AP3M1: variants seen among roughly 807,000 people sequenced by gnomAD.
The protein encoded by AP3M1 is adaptor related protein complex 3 subunit mu 1, also known as AP-3 complex subunit mu-1.
A neutral mutation model predicts 42.6 loss-of-function variants in AP3M1; 29 were observed. The observed-to-expected ratio is 0.68, with a 90% CI of 0.51 to 0.93. The LOEUF is 0.93. Ranked by LOEUF, AP3M1 falls within the 40% of genes least tolerant of loss-of-function variation. AP3M1 has a pLI of 0.00. For missense variants in AP3M1, 416 were observed against 510.2 expected, an observed-to-expected ratio of 0.82 and a Z score of 1.78; for synonymous variants, 178 against 175.3, an observed-to-expected ratio of 1.02 and a Z score of -0.12.
chr10:74,133,268 C>G (rs1172810585), intron 4 of AP3M1, among the ~76,000 whole-genome samples: 1 of 152,086 alleles, frequency 6.6e-6, no homozygotes, highest in East Asian at 1.9e-4. Context: ...CTGGTGCATG[C>G]CTGTAATCCC....
At chr10:74,133,360 C>G (rs1052214501) in intron 4 of AP3M1, among the ~76,000 whole-genome samples, 3 of 150,714 alleles carry the variant, frequency 2.0e-5, no homozygotes, top group Admixed American at 6.6e-5. Context: ...CACCATTGCA[C>G]TCCACCCTGG....
At chr10:74,141,286 C>G (rs189367589) in intron 1 of AP3M1, among the ~76,000 whole-genome samples, 16 of 152,100 alleles carry the variant, frequency 1.1e-4, no homozygotes, top group Admixed American at 6.5e-4. Context: ...ACTAGCCAGG[C>G]ATAGTGGCTC....
At chr10:74,124,591 T>G in intron 7 of AP3M1, 67 bp from the exon 8 acceptor site, 1 of 1,359,146 alleles carries the variant, frequency 7.4e-7, no homozygotes, top group African/African-American at 1.5e-5. Flanking sequence ...AAAAACAAAG[T>G]TCAAAGATAT....
chr10:74,131,699 C>T (rs1840784819), intron 4 of AP3M1, among the ~76,000 whole-genome samples: 1 of 152,010 alleles, frequency 6.6e-6, no homozygotes, highest in Non-Finnish European at 1.5e-5. Flanking sequence ...GGAAGCCATG[C>T]CTAGCTAATC....
At chr10:74,126,939 C>T (rs188495338) in intron 6 of AP3M1, among the ~76,000 whole-genome samples, 159 of 132,298 alleles carry the variant, frequency 1.2e-3, no homozygotes, top group Non-Finnish European at 2.1e-3. Flanking sequence ...CCACTGCACT[C>T]CAGCCTGGGC....
rs926787684 is a variant in AP3M1 at position 74,120,690 on chromosome 10, G to A, written c.*3120C>T. On this transcript the variant is annotated 3_prime_UTR_variant, in exon 9 of 9. Coordinates refer to ENST00000355264, the MANE Select transcript of AP3M1 (RefSeq NM_012095.6). ...GCGCCACCATGCCTGGCTAATTTTT[G>A]TATTTTTAGTAGAGATGGAGTTTCA... 2.1e-4 allele frequency: 32 copies of A among 152,188 alleles called. No individual in the cohort carries two copies. The highest frequency in any genetic ancestry group is 7.7e-4 in the African/African-American group (32 of 41,406). 9.4% of individuals were successfully genotyped at this position (152,188 alleles called of 1,614,324 possible). A position where few individuals can be genotyped will look rare whatever the true frequency, so the allele number is the denominator to read the frequency against.
At chr10:74,139,378 C>G (rs1358966019) in intron 1 of AP3M1, among the ~76,000 whole-genome samples, 1 of 151,678 alleles carries the variant, frequency 6.6e-6, no homozygotes, top group Non-Finnish European at 1.5e-5. Context: ...CTGTGGGAGG[C>G]TGAGGAAGGA....
intron 4 of AP3M1, among the ~76,000 whole-genome samples, chr10:74,131,171 A>AT (rs921626903): frequency 1.8e-4 from 27 of 150,174 alleles, no homozygotes; most frequent in South Asian, 6.3e-4. Context: ...TTTTTTTTTA[A>AT]TTTTTTTTTT....
intron 2 of AP3M1, 109 bp from the exon 3 acceptor site, chr10:74,136,912 G>T: frequency 1.4e-6 from 1 of 699,080 alleles, no homozygotes; most frequent in Non-Finnish European, 2.1e-6. Context: ...CATTGCTTAA[G>T]CTGCTGAACA....
chr10:74,132,798 A>G, intron 4 of AP3M1, among the ~76,000 whole-genome samples: 1 of 152,232 alleles, frequency 6.6e-6, no homozygotes, highest in Non-Finnish European at 1.5e-5. Context: ...AGCATGGTAT[A>G]TAGCAGATTT....
intron 5 of AP3M1, 145 bp downstream of exon 5, chr10:74,129,762 T>C: frequency 1.5e-6 from 1 of 647,308 alleles, no homozygotes; most frequent in South Asian, 2.0e-5. Flanking sequence ...TGTAAGCGAC[T>C]GTCTTAGGAA....
At chr10:74,136,306 C>G (rs1840939938) in intron 3 of AP3M1, among the ~76,000 whole-genome samples, 1 of 151,920 alleles carries the variant, frequency 6.6e-6, no homozygotes, top group South Asian at 2.1e-4. Flanking sequence ...GGACTAAATT[C>G]TCTTCTAAGT....
intron 4 of AP3M1, among the ~76,000 whole-genome samples, chr10:74,131,457 G>C (rs1290670102): frequency 6.6e-6 from 1 of 152,030 alleles, no homozygotes; most frequent in Non-Finnish European, 1.5e-5. Context: ...GTGAGCCACC[G>C]CGCCCGGCTT....
intron 7 of AP3M1, among the ~76,000 whole-genome samples, chr10:74,125,420 T>C (rs1452539698): frequency 6.6e-6 from 1 of 152,254 alleles, no homozygotes; most frequent in Non-Finnish European, 1.5e-5. Flanking sequence ...CTGTCATAGT[T>C]GAAGCTGTGG....
Position 74,122,337 on chromosome 10 carries a change from A to G in AP3M1, c.*1473T>C, listed in dbSNP as rs899933316. ...TCCTTAGCATAAGGGAAAGACGGTT[A>G]TAAGCTGAGAAGATTGAAAGAAGAA... On this transcript the variant is annotated 3_prime_UTR_variant, in exon 9 of 9. Coordinates refer to ENST00000355264, the MANE Select transcript of AP3M1 (RefSeq NM_012095.6). 2.0e-5 allele frequency: 3 copies of G among 152,214 alleles called. No individual in the cohort carries two copies. Among genetic ancestry groups the G allele is most frequent in the Non-Finnish European group, 2.9e-5 (2 of 68,058 alleles). 9.4% of individuals were successfully genotyped at this position (152,214 alleles called of 1,614,324 possible). A position where few individuals can be genotyped will look rare whatever the true frequency, so the allele number is the denominator to read the frequency against.
chr10:74,133,382 G>GAA (rs1488289293), intron 4 of AP3M1, among the ~76,000 whole-genome samples: 2 of 147,596 alleles, frequency 1.4e-5, no homozygotes, highest in Non-Finnish European at 3.0e-5. Flanking sequence ...CAATAAGAGT[G>GAA]AAACTGCGTC....
chr10:74,127,699 A>T (rs963299875), intron 6 of AP3M1, among the ~76,000 whole-genome samples: 1 of 152,030 alleles, frequency 6.6e-6, no homozygotes, highest in African/African-American at 2.4e-5. Flanking sequence ...AAACAAACAA[A>T]CAAAAACAAT....
Position 74,123,541 on chromosome 10 carries a change from C to T in AP3M1, c.*269G>A, listed in dbSNP as rs879114540. On this transcript the variant is annotated 3_prime_UTR_variant, in exon 9 of 9. Coordinates refer to ENST00000355264, the MANE Select transcript of AP3M1 (RefSeq NM_012095.6). ...TGCCTTTACTGTTACAATGTGCAGC[C>T]GCCAGATGGTATCCTCCTATGGAAA... The T allele has an allele frequency of 1.5e-5, 7 of 474,486 alleles. No individual in the cohort carries two copies. The highest frequency in any genetic ancestry group is 5.4e-5 in the South Asian group (2 of 37,372). The allele number at this position is 474,486 out of a possible 1,614,324, so 29.4% of individuals were successfully genotyped here.
chr10:74,134,593 G>A (rs887133576), intron 3 of AP3M1, among the ~76,000 whole-genome samples: 9 of 152,190 alleles, frequency 5.9e-5, no homozygotes, highest in African/African-American at 1.9e-4. Flanking sequence ...TGCCAAGCAC[G>A]CCTCAGTGGA....
Sources: gnomAD v4.1 joint callset for allele counts (sites outside exome capture counted in the v4.1 genomes callset) on GRCh38, gnomAD v4.1.1 for gene constraint, MANE v1.5 for transcripts, NCBI Gene and HGNC (gene_info 2026-07-23, HGNC 2026-07-21) for gene names.